The following SCIN variants were observed in gnomAD, a reference collection of about 807,000 sequenced individuals.
SCIN encodes adseverin.
SCIN carries 91 observed loss-of-function variants against 91.8 expected under a neutral mutation model. The observed-to-expected ratio is 0.99, with a 90% CI of 0.84 to 1.18. The LOEUF is 1.18. SCIN is among the 50% of genes most tolerant of loss of function. SCIN has a pLI of 0.00. For missense variants in SCIN, 1,087 were observed against 863.9 expected (o/e 1.26, Z -3.24); for synonymous variants, 367 against 312.6 (o/e 1.17, Z -1.84).
In SCIN at chr7:12,651,562, A is replaced by C. The variant is rs145394798; in HGVS notation, c.1960-279A>C. 2.0e-5 allele frequency among the ~76,000 whole-genome samples: 3 copies of C among 150,900 alleles called. No individual in the cohort carries two copies. Among genetic ancestry groups the C allele is most frequent in the Non-Finnish European group, 4.4e-5 (3 of 67,732 alleles). On this transcript the variant is annotated intron_variant, in intron 14 of 15. Coordinates refer to ENST00000297029, the MANE Select transcript of SCIN (RefSeq NM_001112706.3). This position sits in a 1 kb window ranked among gnomAD's most constrained non-coding sequence, Gnocchi z 5.9. Reference sequence around the variant, plus strand: ...CCCAGACAATCTGTTTTTTTTTGTGAAAGATCACTTTACAAACTAGAAAGT... The same window carrying C: ...CCCAGACAATCTGTTTTTTTTTGTGCAAGATCACTTTACAAACTAGAAAGT...
chr7:12,590,189 T>C (rs920300632), intron 3 of SCIN, among the ~76,000 whole-genome samples: 6 of 152,170 alleles, frequency 3.9e-5, no homozygotes, highest in Non-Finnish European at 7.4e-5. Context: ...TTCTGCGGCC[T>C]TTTCTGAAGA....
At chr7:12,573,754 T>A (rs960170543) in intron 1 of SCIN, among the ~76,000 whole-genome samples, 3 of 152,208 alleles carry the variant, frequency 2.0e-5, no homozygotes, top group African/African-American at 4.8e-5. Flanking sequence ...ATCCTCACTC[T>A]TTCTCTTTGC....
At chr7:12,604,486 G>T in intron 3 of SCIN, 28 bp from the exon 4 acceptor site, 1 of 1,547,706 alleles carries the variant, frequency 6.5e-7, no homozygotes, top group South Asian at 1.2e-5. Flanking sequence ...ATATTCTTAG[G>T]GTCAACAGAT....
chr7:12,652,435 G>A (rs1418966681), intron 15 of SCIN, among the ~76,000 whole-genome samples, 153 bp from the exon 16 acceptor site: 1 of 152,172 alleles, frequency 6.6e-6, no homozygotes, highest in Non-Finnish European at 1.5e-5. Flanking sequence ...TTGAAGAATT[G>A]TATTCGAAGA....
At chr7:12,614,648 C>G (rs961059144) in intron 4 of SCIN, among the ~76,000 whole-genome samples, 2 of 152,114 alleles carry the variant, frequency 1.3e-5, no homozygotes, top group Non-Finnish European at 2.9e-5. Flanking sequence ...AGGCATTAGC[C>G]CTCAGAAGGC....
At chr7:12,642,628 T>C (rs1279303842) in intron 11 of SCIN, among the ~76,000 whole-genome samples, 1 of 149,698 alleles carries the variant, frequency 6.7e-6, no homozygotes, top group Non-Finnish European at 1.5e-5. Context: ...TTTTATCTAG[T>C]TTGCCAGTGA....
chr7:12,624,935 C>A, intron 5 of SCIN, 75 bp from the exon 6 acceptor site: 2 of 1,434,820 alleles, frequency 1.4e-6, no homozygotes. Context: ...GTTGTACAAC[C>A]ATTACCATAA....
At chr7:12,634,099 C>G (rs1783700070) in intron 9 of SCIN, among the ~76,000 whole-genome samples, 1 of 151,956 alleles carries the variant, frequency 6.6e-6, no homozygotes, top group African/African-American at 2.4e-5. Context: ...TGGGTATTGC[C>G]CAACGTGGCA....
At chr7:12,612,461 C>G (rs1292310110) in intron 4 of SCIN, among the ~76,000 whole-genome samples, 1 of 152,166 alleles carries the variant, frequency 6.6e-6, no homozygotes, top group Non-Finnish European at 1.5e-5. Context: ...CTTTCTCTTT[C>G]TCCTCTTTGC....
chr7:12,618,592 CCACAGCTTT>C (rs2115266216), intron 4 of SCIN, among the ~76,000 whole-genome samples: 1 of 152,124 alleles, frequency 6.6e-6, no homozygotes, highest in East Asian at 1.9e-4. Context: ...CTAAATAAGA[CCACAGCTTT>C]CTCGGAATAA....
chr7:12,595,816 G>C (rs909070876), intron 3 of SCIN: 1 of 152,238 alleles, frequency 6.6e-6, no homozygotes, highest in Non-Finnish European at 1.5e-5. Context: ...ACTGAATGTT[G>C]TAAATCACTT....
rs55837077 is a variant in SCIN, at chr7:12,650,811, G to A, written c.1960-1030G>A. On this transcript the variant is annotated intron_variant, in intron 14 of 15. Coordinates refer to ENST00000297029, the MANE Select transcript of SCIN (RefSeq NM_001112706.3). ...AGCATTTGTACCAACATCTTATAGG[G>A]AGGGCAAGCTACTAGAGGAGAAAAA... 4.0e-3 allele frequency among the ~76,000 whole-genome samples: 609 copies of A among 152,174 alleles called. 3 individuals are homozygous for A. Among genetic ancestry groups the A allele is most frequent in the African/African-American group, 0.014 (588 of 41,518 alleles).
At chr7:12,576,770 T>C (rs951282629) in intron 1 of SCIN, among the ~76,000 whole-genome samples, 1 of 152,180 alleles carries the variant, frequency 6.6e-6, no homozygotes, top group Non-Finnish European at 1.5e-5. Context: ...AGCCTCCATT[T>C]TCTCTGTTCC....
At chr7:12,578,899 T>A (rs1420826447) in intron 2 of SCIN, among the ~76,000 whole-genome samples, 1 of 144,914 alleles carries the variant, frequency 6.9e-6, no homozygotes, top group Non-Finnish European at 1.5e-5. Context: ...CAGCCTTCAG[T>A]ATAGGACAGG....
chr7:12,606,130 G>T (rs111664780), intron 4 of SCIN, among the ~76,000 whole-genome samples: 1 of 152,082 alleles, frequency 6.6e-6, no homozygotes, highest in African/African-American at 2.4e-5. Flanking sequence ...CCTGCGATGC[G>T]CCAGGCACTA....
At chr7:12,652,232 A>G (rs1228322302) in intron 15 of SCIN, among the ~76,000 whole-genome samples, 1 of 152,212 alleles carries the variant, frequency 6.6e-6, no homozygotes, top group Non-Finnish European at 1.5e-5. Context: ...CCTTTTGACT[A>G]TGCTGTTCTT....
chr7:12,609,850 C>A (rs532526825), intron 4 of SCIN, among the ~76,000 whole-genome samples: 1 of 139,634 alleles, frequency 7.2e-6, no homozygotes, highest in Admixed American at 7.6e-5. Flanking sequence ...GTCATACATG[C>A]AATGATTGTT....
At chr7:12,643,977 T>C (rs1001759401) in intron 11 of SCIN, among the ~76,000 whole-genome samples, 161 bp from the exon 12 acceptor site, 7 of 152,026 alleles carry the variant, frequency 4.6e-5, no homozygotes, top group African/African-American at 1.7e-4. Flanking sequence ...TACTCTAGGG[T>C]TTAAAATACC....
chr7:12,657,142 C>T lies in SCIN; in HGVS notation c.*4427C>T, dbSNP rs1339102785. On this transcript the variant is annotated 3_prime_UTR_variant, in exon 16 of 16. Coordinates refer to ENST00000297029, the MANE Select transcript of SCIN (RefSeq NM_001112706.3). ...ATGAACATACACATATCCTATAATC[C>T]AGAAATCCCACTCCATGGTGTGTAC... 1.3e-5 allele frequency: 2 copies of T among 150,232 alleles called. No homozygotes were observed. The highest frequency in any genetic ancestry group is 1.3e-4 in the Admixed American group (2 of 15,022). 9.3% of individuals were successfully genotyped at this position (150,232 alleles called of 1,614,324 possible).
Sources: allele counts gnomAD v4.1 joint callset (sites outside exome capture counted in the v4.1 genomes callset), GRCh38; gene constraint gnomAD v4.1.1; non-coding constraint Gnocchi (gnomAD v3.1); transcripts MANE v1.5; gene names NCBI Gene and HGNC (gene_info 2026-07-23, HGNC 2026-07-21).